Variants in REXO1 observed in about 807,000 individuals in gnomAD.
REXO1 encodes REX1, RNA exonuclease 1 homolog.
In REXO1, 42 loss-of-function variants were observed where a neutral mutation model predicts 102.6. That is an observed-to-expected ratio of 0.41 (90% confidence interval 0.32 to 0.53). The LOEUF (loss-of-function observed/expected upper bound fraction) is 0.53. REXO1 is among the 20% of genes least tolerant of loss of function. The pLI, the probability that REXO1 is intolerant of heterozygous loss-of-function variation, is 0.27. For missense variants in REXO1, 1,819 were observed against 1,732.5 expected, an observed-to-expected ratio of 1.05 and a Z score of -0.89; for synonymous variants, 908 against 779.1, an observed-to-expected ratio of 1.17 and a Z score of -2.76.
Position 1,828,010 on chromosome 19 carries a change from C to G in REXO1, c.779G>C (p.Arg260Pro), listed in dbSNP as rs143118600. 6.2e-7 allele frequency: 1 copy of G among 1,612,730 alleles called. No homozygotes were observed. The highest frequency in any genetic ancestry group is 1.7e-5 in the Admixed American group (1 of 59,936). Reference sequence around the variant, plus strand: ...GTAGGGCTCACTGCCGCGGGAGCCCCGGGGCCGCTTGGCGGCCCGCTCATC... The same window carrying G: ...GTAGGGCTCACTGCCGCGGGAGCCCGGGGGCCGCTTGGCGGCCCGCTCATC... Reference protein sequence around the residue: ...SRDERAAKRPRGSRGSEPYTP... With the variant: ...SRDERAAKRPPGSRGSEPYTP... The change falls in exon 2 of 16, where the codon CGG (arginine) becomes CCG (proline). Residue 260 changes from arginine (R) to proline (P), a missense_variant. Coordinates refer to ENST00000170168, the MANE Select transcript of REXO1 (RefSeq NM_020695.4).
chr19:1,833,974 G>A (rs2069972755), intron 1 of REXO1, among the ~76,000 whole-genome samples: 1 of 152,194 alleles, frequency 6.6e-6, no homozygotes, highest in South Asian at 2.1e-4. Context: ...CTAACGGGAA[G>A]GCTCTCCTCC....
intron 10 of REXO1, 51 bp from the exon 11 acceptor site, chr19:1,817,831 GC>G: frequency 2.7e-6 from 4 of 1,492,396 alleles, no homozygotes; most frequent in Non-Finnish European, 1.8e-6. Context: ...CCACTCCACA[GC>G]CCCCGGGGCA....
chr19:1,837,927 A>G (rs368727780), intron 1 of REXO1, among the ~76,000 whole-genome samples: 123 of 152,338 alleles, frequency 8.1e-4, no homozygotes, highest in African/African-American at 2.7e-3. Context: ...ACATGCCATG[A>G]CTGGACGCGC....
rs373245469 is a variant in REXO1 at position 1,827,337 on chromosome 19, G to C, written c.1452C>G (p.Ser484Arg). 1 of 1,554,702 alleles carries C rather than the reference G, an allele frequency of 6.4e-7. No homozygotes were observed. Reference protein sequence around the residue: ...PRPLQLPDRKSTKAPSGKLVE... With the variant: ...PRPLQLPDRKRTKAPSGKLVE... ...CTAGCTTCCCCGACGGGGCCTTGGT[G>C]CTCTTCCTGTCGGGCAGCTGGAGGG... The change falls in exon 2 of 16, where the codon AGC becomes AGG. Residue 484 changes from serine (S) to arginine (R), a missense_variant. By Grantham distance (110) the Ser-to-Arg change is moderately radical (BLOSUM62 -1). Transcript: ENST00000170168.
At chr19:1,835,504 C>T (rs976560887) in intron 1 of REXO1, among the ~76,000 whole-genome samples, 1 of 152,286 alleles carries the variant, frequency 6.6e-6, no homozygotes, top group Admixed American at 6.5e-5. Flanking sequence ...GCCGAGAACG[C>T]ACCACTGCAC....
chr19:1,839,616 G>A (rs986608047), intron 1 of REXO1, among the ~76,000 whole-genome samples: 5 of 152,224 alleles, frequency 3.3e-5, no homozygotes, highest in Non-Finnish European at 4.4e-5. Context: ...AATGTGGGCC[G>A]ACCCCGGCCC....
chr19:1,847,354 C>T (rs2011590237), intron 1 of REXO1, among the ~76,000 whole-genome samples: 1 of 152,170 alleles, frequency 6.6e-6, no homozygotes, highest in Non-Finnish European at 1.5e-5. Flanking sequence ...AAAAACAGTG[C>T]TTGAAACTCA....
chr19:1,830,059 G>A (rs902051770), intron 1 of REXO1, among the ~76,000 whole-genome samples: 2 of 152,176 alleles, frequency 1.3e-5, no homozygotes, highest in African/African-American at 2.4e-5. Flanking sequence ...TGCCACCAAC[G>A]TCAGCACAGA....
At chr19:1,825,811 C>A in intron 3 of REXO1, 28 bp downstream of exon 3, 10 of 1,403,692 alleles carry the variant, frequency 7.1e-6, no homozygotes, top group South Asian at 1.2e-5. Flanking sequence ...AAAAAGGCTC[C>A]TGCTGGCCTG....
chr19:1,839,100 C>T (rs2011189223), intron 1 of REXO1, among the ~76,000 whole-genome samples: 1 of 151,874 alleles, frequency 6.6e-6, no homozygotes, highest in East Asian at 1.9e-4. Flanking sequence ...TACTAAAATA[C>T]AAAAAATTAG....
chr19:1,830,712 C>A, intron 1 of REXO1: 1 of 244,440 alleles, frequency 4.1e-6, no homozygotes, highest in Non-Finnish European at 8.6e-6. Flanking sequence ...TTGCCCGTCA[C>A]TGAGGGGGCC....
intron 5 of REXO1, 56 bp downstream of exon 5, chr19:1,821,462 CG>C: frequency 6.2e-7 from 1 of 1,605,246 alleles, no homozygotes; most frequent in Non-Finnish European, 8.5e-7. Context: ...CCCATGTGGC[CG>C]GGCCTCAGGG....
At chr19:1,817,159 C>CGGT in intron 12 of REXO1, 60 bp downstream of exon 12, 4 of 810,342 alleles carry the variant, frequency 4.9e-6, no homozygotes, top group Non-Finnish European at 3.4e-6. Context: ...GATGGGGCGG[C>CGGT]CGCACCAGGC....
intron 1 of REXO1, among the ~76,000 whole-genome samples, chr19:1,841,498 T>G (rs2011277240): frequency 6.6e-6 from 1 of 152,154 alleles, no homozygotes; most frequent in Non-Finnish European, 1.5e-5. Flanking sequence ...GCAGAAGAGC[T>G]CGCAGAGGCC....
chr19:1,825,498 CAG>C (rs1166410637), intron 3 of REXO1, among the ~76,000 whole-genome samples: 2 of 149,080 alleles, frequency 1.3e-5, no homozygotes, highest in African/African-American at 2.5e-5. Context: ...TTTTTTGAGA[CAG>C]AGTCTTGCTC....
chr19:1,832,422 G>A (rs1394743855), intron 1 of REXO1, among the ~76,000 whole-genome samples: 1 of 152,244 alleles, frequency 6.6e-6, no homozygotes, highest in African/African-American at 2.4e-5. Context: ...TACCTGCGAA[G>A]GCGGAAGGCC....
At chr19:1,841,914 G>A (rs61658115) in intron 1 of REXO1, among the ~76,000 whole-genome samples, 2 of 152,036 alleles carry the variant, frequency 1.3e-5, no homozygotes, top group African/African-American at 2.4e-5. Flanking sequence ...CATCCCTCTC[G>A]AAAACACAAA....
chr19:1,843,286 C>A (rs967294823), intron 1 of REXO1, among the ~76,000 whole-genome samples: 1 of 150,946 alleles, frequency 6.6e-6, no homozygotes, highest in African/African-American at 2.4e-5. Flanking sequence ...CTCCCCAGGG[C>A]CCAGAGCCAC....
At chr19:1,847,732 C>T (rs537162504) in intron 1 of REXO1, among the ~76,000 whole-genome samples, 45 of 152,234 alleles carry the variant, frequency 3.0e-4, no homozygotes, top group Non-Finnish European at 5.7e-4. Flanking sequence ...CCTAACTCAA[C>T]GACTGGAGAC....
Sources: gnomAD v4.1 joint callset for allele counts (sites outside exome capture counted in the v4.1 genomes callset) on GRCh38, gnomAD v4.1.1 for gene constraint, MANE v1.5 for transcripts, NCBI Gene and HGNC (gene_info 2026-07-23, HGNC 2026-07-21) for gene names.